Variants in RASSF6 observed in about 807,000 individuals in gnomAD.
The protein encoded by RASSF6 is Ras association domain family member 6, also known as ras association domain-containing protein 6.
In RASSF6, 52 loss-of-function variants were observed where a neutral mutation model predicts 44.0. That is an observed-to-expected ratio of 1.18 (90% CI 0.95 to 1.49). The LOEUF (loss-of-function observed/expected upper bound fraction) is 1.49. RASSF6 is among the 40% of genes most tolerant of loss of function. RASSF6 has a pLI of 0.00. For missense variants in RASSF6, 464 were observed against 393.3 expected (o/e 1.18, Z -1.52); for synonymous variants, 162 against 124.6 (o/e 1.30, Z -2.00).
intron 6 of RASSF6, among the ~76,000 whole-genome samples, chr4:73,583,867 A>C (rs1257195874): frequency 6.6e-6 from 1 of 152,144 alleles, no homozygotes; most frequent in African/African-American, 2.4e-5. Context: ...CAAGAATGTA[A>C]AACCAGGCTG....
chr4:73,603,659 G>A (rs933916782), intron 2 of RASSF6, among the ~76,000 whole-genome samples: 1 of 152,210 alleles, frequency 6.6e-6, no homozygotes, highest in Non-Finnish European at 1.5e-5. Context: ...TCTGACGTTT[G>A]CCATGAATAA....
intron 2 of RASSF6, among the ~76,000 whole-genome samples, chr4:73,601,411 C>T (rs568372305): frequency 7.9e-5 from 12 of 152,316 alleles, no homozygotes; most frequent in East Asian, 1.9e-4. Flanking sequence ...TCTGGCTCTT[C>T]GCAGAGAAAG....
Position 73,620,416 on chromosome 4 carries a change from C to A in RASSF6, c.-163G>T. ...AAACCAGTGCCCTGTCTCTGCCGGG[C>A]TGGGACTCCGCGAGTCACTCACCTG... On this transcript the variant is annotated 5_prime_UTR_variant, in exon 1 of 11. Coordinates refer to ENST00000307439, the MANE Select transcript of RASSF6 (RefSeq NM_177532.5). The A allele has an allele frequency of 1.3e-6, 2 of 1,542,546 alleles. No individual in the cohort carries two copies. The highest frequency in any genetic ancestry group is 1.7e-6 in the Non-Finnish European group (2 of 1,143,474).
rs968815887 is a variant in RASSF6 at position 73,575,301 on chromosome 4, G to GTT, written c.*932_*933dup. The GTT allele has an allele frequency of 2.7e-5, 4 of 149,478 alleles. No individual in the cohort carries two copies. Among genetic ancestry groups the GTT allele is most frequent in the African/African-American group, 9.8e-5 (4 of 40,658 alleles). 9.3% of individuals were successfully genotyped at this position (149,478 alleles called of 1,614,324 possible). A position where few individuals can be genotyped will look rare whatever the true frequency, so the allele number is the denominator to read the frequency against. On this transcript the variant is annotated 3_prime_UTR_variant, in exon 11 of 11. Coordinates refer to ENST00000307439, the MANE Select transcript of RASSF6 (RefSeq NM_177532.5). ...CTTATAGCATTTCTTCATTTTTAGT[G>GTT]TTTTTTTTTCAAGTGGGTTAAACAG...
At position 73,573,945 on chromosome 4, in the gene RASSF6, AG is replaced by A. The variant is rs1723059694; in HGVS notation, c.*2289del. ...TCTTTCCTGATTCCTCCAGGCTGAC[AG>A]GCCAGGCTACTGGAGAGCAGGCTTT... is the stretch of plus-strand genomic sequence containing the variant. On this transcript the variant is annotated 3_prime_UTR_variant, in exon 11 of 11. Transcript: ENST00000307439. The A allele has an allele frequency of 6.6e-6, 1 of 152,248 alleles. No individual in the cohort carries two copies. Among genetic ancestry groups the A allele is most frequent in the African/African-American group, 2.4e-5 (1 of 41,452 alleles). 9.4% of individuals were successfully genotyped at this position (152,248 alleles called of 1,614,324 possible).
Position 73,596,804 on chromosome 4 carries a change from C to A in RASSF6, c.144+1836G>T, listed in dbSNP as rs562874145. Among the ~76,000 whole-genome samples, 62 of 152,010 alleles carry A rather than the reference C, an allele frequency of 4.1e-4. 2 individuals carry two copies. The highest frequency in any genetic ancestry group is 1.4e-3 in the African/African-American group (59 of 41,474). On this transcript the variant is annotated intron_variant, in intron 3 of 10. Transcript: ENST00000307439. The stretch of plus-strand genomic sequence containing the variant: ...AGACTGATGGAACAGAGTAGAGAAC[C>A]CAGAAATGAGACTGCATATCTACAA...
chr4:73,611,389 A>G (rs1296533340), intron 2 of RASSF6, among the ~76,000 whole-genome samples: 1 of 152,204 alleles, frequency 6.6e-6, no homozygotes, highest in Non-Finnish European at 1.5e-5. Flanking sequence ...AGGACAGGAC[A>G]TAATGTTTTT....
intron 4 of RASSF6, among the ~76,000 whole-genome samples, chr4:73,590,831 G>A (rs912430062): frequency 3.3e-5 from 5 of 152,308 alleles, no homozygotes; most frequent in East Asian, 1.9e-4. Context: ...AGCCAGTCAA[G>A]GTTTCTAGGT....
Position 73,618,927 on chromosome 4 carries a change from C to G in RASSF6, c.-35+1361G>C, listed in dbSNP as rs182780914. 2.4e-3 allele frequency among the ~76,000 whole-genome samples: 369 copies of G among 152,240 alleles called. 3 individuals are homozygous for G. Among genetic ancestry groups the G allele is most frequent in the African/African-American group, 8.5e-3 (355 of 41,544 alleles). On this transcript the variant is annotated intron_variant, in intron 1 of 10. Transcript: ENST00000307439. ...ATAACTAACAACATTGACAAAAGTG[C>G]CCTTTAAGTGAAACTTCATAAAATA...
chr4:73,618,170 CTT>C (rs1338526634), intron 1 of RASSF6, among the ~76,000 whole-genome samples: 1 of 152,084 alleles, frequency 6.6e-6, no homozygotes, highest in Non-Finnish European at 1.5e-5. Context: ...CTGTGTCACT[CTT>C]TTCTCTCTTT....
intron 2 of RASSF6, among the ~76,000 whole-genome samples, chr4:73,606,481 G>A (rs962056204): frequency 2.0e-5 from 3 of 152,156 alleles, no homozygotes; most frequent in Non-Finnish European, 4.4e-5. Context: ...CGACTACTGG[G>A]ATGATGGGTT....
intron 1 of RASSF6, among the ~76,000 whole-genome samples, chr4:73,614,751 C>T (rs1726236757): frequency 6.6e-6 from 1 of 152,142 alleles, no homozygotes; most frequent in South Asian, 2.1e-4. Context: ...CTTCAGAAGA[C>T]TTCAGAAGAT....
chr4:73,585,382 T>C lies in RASSF6; in HGVS notation c.383-18A>G. ...TAAATAGTCTGGGAAGAATAGATTA[T>C]AAGCTCATATCATTCAGCTGCCTGT... On this transcript the variant is annotated intron_variant, in intron 5 of 10. Coordinates refer to ENST00000307439, the MANE Select transcript of RASSF6 (RefSeq NM_177532.5). 1.3e-6 allele frequency: 2 copies of C among 1,524,240 alleles called. No homozygotes were observed. The highest frequency in any genetic ancestry group is 2.7e-5 in the South Asian group (2 of 74,154). The allele number at this position is 1,524,240 out of a possible 1,614,324, so 94.4% of individuals were successfully genotyped here.
At chr4:73,610,743 A>C (rs975229856) in intron 2 of RASSF6, among the ~76,000 whole-genome samples, 27 of 152,176 alleles carry the variant, frequency 1.8e-4, no homozygotes, top group Non-Finnish European at 3.1e-4. Context: ...TCCGCTCTCT[A>C]TCTCTAGCAC....
intron 1 of RASSF6, among the ~76,000 whole-genome samples, chr4:73,617,546 A>T (rs1436277043): frequency 1.3e-5 from 2 of 151,984 alleles, no homozygotes; most frequent in Non-Finnish European, 2.9e-5. Flanking sequence ...ATCACGACTC[A>T]TTTTTCCTGT....
chr4:73,582,521 T>C (rs889019185), intron 6 of RASSF6, among the ~76,000 whole-genome samples: 3 of 152,164 alleles, frequency 2.0e-5, no homozygotes, highest in Non-Finnish European at 2.9e-5. Flanking sequence ...AGGATGCTTA[T>C]AACATTTTCA....
At chr4:73,598,523 A>G (rs1725078511) in intron 3 of RASSF6, 117 bp downstream of exon 3, 2 of 580,336 alleles carry the variant, frequency 3.4e-6, no homozygotes, top group East Asian at 3.5e-5. Flanking sequence ...GCCCAAGTCT[A>G]AAAGAATCAT....
Position 73,611,783 on chromosome 4 carries a change from C to A in RASSF6, c.13G>T (p.Ala5Ser), listed in dbSNP as rs751692280. The A allele has an allele frequency of 3.7e-6, 6 of 1,611,002 alleles. No individual in the cohort carries two copies. Among genetic ancestry groups the A allele is most frequent in the Admixed American group, 1.7e-5 (1 of 59,918 alleles). The change falls in exon 2 of 11, where the codon GCT becomes TCT. Residue 5 changes from alanine to serine, a missense_variant. Coordinates refer to ENST00000307439, the MANE Select transcript of RASSF6 (RefSeq NM_177532.5). Reference sequence around the variant, plus strand: ...AAGATCCAAGAGGGGTACTGGTGAGCCATCATAGTCATCTTTTCCTCCTTT... The same window carrying A: ...AAGATCCAAGAGGGGTACTGGTGAGACATCATAGTCATCTTTTCCTCCTTT... MTMM[A>S]HQYPSWIFIN...
chr4:73,593,273 C>T (rs1724701045), intron 4 of RASSF6, among the ~76,000 whole-genome samples, 178 bp downstream of exon 4: 1 of 152,132 alleles, frequency 6.6e-6, no homozygotes, highest in East Asian at 1.9e-4. Context: ...GCCTTGGCCT[C>T]CCGAAGTGCC....
Sources: gnomAD v4.1 joint callset for allele counts (sites outside exome capture counted in the v4.1 genomes callset) on GRCh38, gnomAD v4.1.1 for gene constraint, MANE v1.5 for transcripts, NCBI Gene and HGNC (gene_info 2026-07-23, HGNC 2026-07-21) for gene names.